The following SGTB variants were observed in gnomAD, a reference collection of about 807,000 sequenced individuals.
SGTB encodes the protein small glutamine rich tetratricopeptide repeat co-chaperone beta, also known as small glutamine-rich tetratricopeptide repeat-containing protein beta.
Under a neutral mutation model 43.9 loss-of-function variants are expected in SGTB, and 19 were observed. The ratio of observed to expected loss-of-function variants is 0.43; its 90% CI spans 0.30 to 0.63. The LOEUF is 0.63. Ranked by LOEUF, SGTB falls within the 30% of genes least tolerant of loss-of-function variation. The pLI is 0.12. For synonymous variants in SGTB, 116 were observed against 117.3 expected, an observed-to-expected ratio of 0.99 and a Z score of 0.07; for missense variants, 304 against 358.9, an observed-to-expected ratio of 0.85 and a Z score of 1.24.
chr5:65,715,320 T>C (rs934954476), intron 2 of SGTB, among the ~76,000 whole-genome samples: 1 of 152,198 alleles, frequency 6.6e-6, no homozygotes, highest in African/African-American at 2.4e-5. Flanking sequence ...CGAACAAAAA[T>C]AGTCTGGTAC....
chr5:65,722,291 C>G, upstream of SGTB: 2 of 1,141,992 alleles, frequency 1.8e-6, no homozygotes, highest in Non-Finnish European at 2.4e-6. Flanking sequence ...TCGAGACTCC[C>G]GGGCGCCCAG....
chr5:65,705,950 T>C lies in SGTB; in HGVS notation c.275-1572A>G, dbSNP rs140074019. Reference sequence around the variant, plus strand: ...ACTCAGGAGGCTGAAGTGGGAGGATTGCTTGAGCCCAAGAGGTTGAGGCTG... The same window carrying C: ...ACTCAGGAGGCTGAAGTGGGAGGATCGCTTGAGCCCAAGAGGTTGAGGCTG... On this transcript the variant is annotated intron_variant, in intron 4 of 10. Coordinates refer to ENST00000381007, the MANE Select transcript of SGTB (RefSeq NM_019072.3). Among the ~76,000 whole-genome samples the C allele has an allele frequency of 2.0e-3, 303 of 151,824 alleles. 3 individuals carry two copies. The highest frequency in any genetic ancestry group is 7.2e-3 in the African/African-American group (299 of 41,408).
chr5:65,685,579 C>T, intron 5 of SGTB, 107 bp from the exon 6 acceptor site: 2 of 781,700 alleles, frequency 2.6e-6, no homozygotes, highest in Non-Finnish European at 4.1e-6. Context: ...TTGTAGATCA[C>T]TCCCACTAAA....
intron 4 of SGTB, among the ~76,000 whole-genome samples, chr5:65,707,974 A>C (rs1436036667): frequency 6.6e-6 from 1 of 152,200 alleles, no homozygotes; most frequent in Non-Finnish European, 1.5e-5. Flanking sequence ...TAATGGAAAA[A>C]TGGAACACAA....
At chr5:65,703,922 C>T (rs983449110) in intron 5 of SGTB, among the ~76,000 whole-genome samples, 3 of 148,842 alleles carry the variant, frequency 2.0e-5, no homozygotes, top group Admixed American at 6.7e-5. Flanking sequence ...CCTGTAGTCC[C>T]GGCTACTTGG....
intron 5 of SGTB, among the ~76,000 whole-genome samples, chr5:65,689,615 C>T (rs1018464859): frequency 2.1e-4 from 32 of 152,256 alleles, no homozygotes; most frequent in African/African-American, 7.7e-4. Flanking sequence ...AATATTTCTA[C>T]TTGATTCATT....
intron 8 of SGTB, among the ~76,000 whole-genome samples, chr5:65,676,628 G>A (rs780738614): frequency 1.3e-5 from 2 of 151,946 alleles, no homozygotes; most frequent in African/African-American, 4.8e-5. Context: ...CAGAATATAC[G>A]TTCTTCTCAT....
At position 65,686,648 on chromosome 5, in the gene SGTB, C is replaced by T. The variant is rs371422692; in HGVS notation, c.375-1176G>A. Among the ~76,000 whole-genome samples, 6 of 152,080 alleles carry T rather than the reference C, an allele frequency of 3.9e-5. 1 individual carries two copies. Among genetic ancestry groups the T allele is most frequent in the Admixed American group, 3.9e-4 (6 of 15,280 alleles). On this transcript the variant is annotated intron_variant, in intron 5 of 10. Transcript: ENST00000381007. Reference sequence around the variant, plus strand: ...AGCTGGGATTACAGGCATGAGCCACCGCACCTGGCCCCATATATGTTGTTT... The same window carrying T: ...AGCTGGGATTACAGGCATGAGCCACTGCACCTGGCCCCATATATGTTGTTT...
intron 1 of SGTB, among the ~76,000 whole-genome samples, chr5:65,721,657 G>A (rs1170796974): frequency 2.0e-5 from 3 of 152,362 alleles, no homozygotes; most frequent in Middle Eastern, 3.4e-3. Flanking sequence ...GGCGATGTCA[G>A]CCTCTAGGCC....
chr5:65,672,361 T>C (rs1377902504), intron 8 of SGTB, 80 bp from the exon 9 acceptor site: 2 of 1,566,264 alleles, frequency 1.3e-6, no homozygotes, highest in Middle Eastern at 1.7e-4. Context: ...TTTAGAAGAA[T>C]GAAAGCTAAA....
At chr5:65,679,216 T>G (rs1757343636) in intron 8 of SGTB, among the ~76,000 whole-genome samples, 1 of 152,178 alleles carries the variant, frequency 6.6e-6, no homozygotes, top group South Asian at 2.1e-4. Flanking sequence ...AAGACATATA[T>G]GTGGCCAACA....
In SGTB at chr5:65,669,013, T is replaced by C. The variant is rs888705302; in HGVS notation, c.*1233A>G. 1.3e-5 allele frequency: 2 copies of C among 152,146 alleles called. No individual in the cohort carries two copies. The highest frequency in any genetic ancestry group is 2.4e-5 in the African/African-American group (1 of 41,420). The allele number at this position is 152,146 out of a possible 1,614,324, so 9.4% of individuals were successfully genotyped here. ...TTTCATTATTAATAAACAAAAAATA[T>C]ACTCTAGTTGGAATTAAACTCTCAT... On this transcript the variant is annotated 3_prime_UTR_variant, in exon 11 of 11. Transcript: ENST00000381007.
chr5:65,695,002 A>C (rs1303519345), intron 5 of SGTB, among the ~76,000 whole-genome samples: 1 of 149,002 alleles, frequency 6.7e-6, no homozygotes, highest in African/African-American at 2.5e-5. Flanking sequence ...TGAGGAGCTT[A>C]AATTGGATCC....
intron 6 of SGTB, among the ~76,000 whole-genome samples, chr5:65,682,825 G>C (rs1392834791): frequency 6.6e-6 from 1 of 152,146 alleles, no homozygotes; most frequent in African/African-American, 2.4e-5. Context: ...AATATATATA[G>C]TTGATTCTTA....
Position 65,720,735 on chromosome 5 carries a change from T to C in SGTB, c.73A>G (p.Thr25Ala). The part of the protein sequence containing the change: ...LREQSQMDTY[T>A]SDEQESLEVA... ...TCCAAACTTTCTTGTTCATCCGAGG[T>C]GTAAGTGTCCATCTGACTTTGTTCC... Residue 25 changes from threonine (T) to alanine (A), a missense_variant, in exon 2 of 11, where the codon ACC (threonine) becomes GCC (alanine). Physicochemically the swap from Thr to Ala is moderately conservative, Grantham distance 58. Transcript: ENST00000381007. 1 of 1,613,970 alleles carries C rather than the reference T, an allele frequency of 6.2e-7. No homozygotes were observed. The highest frequency in any genetic ancestry group is 8.5e-7 in the Non-Finnish European group (1 of 1,179,974).
intron 5 of SGTB, among the ~76,000 whole-genome samples, chr5:65,691,244 C>T (rs544691552): frequency 1.3e-5 from 2 of 152,190 alleles, no homozygotes; most frequent in East Asian, 3.9e-4. Flanking sequence ...AGCAATAAGA[C>T]CTTAGTAGCA....
At chr5:65,688,959 G>A (rs1195348942) in intron 5 of SGTB, among the ~76,000 whole-genome samples, 4 of 152,042 alleles carry the variant, frequency 2.6e-5, no homozygotes, top group Admixed American at 1.3e-4. Flanking sequence ...ACAGGCGCCC[G>A]CCACCACGCC....
chr5:65,667,560 T>C lies in SGTB; in HGVS notation c.*2686A>G, dbSNP rs1561781982. On this transcript the variant is annotated 3_prime_UTR_variant, in exon 11 of 11. Transcript: ENST00000381007. ...GCTTAGATGGAATATGAATTTAACT[T>C]CTGAGGGCCGAAGACTTAAATTGTG... 1 of 152,200 alleles carries C rather than the reference T, an allele frequency of 6.6e-6. No homozygotes were observed. The highest frequency in any genetic ancestry group is 1.5e-5 in the Non-Finnish European group (1 of 68,030). The allele number at this position is 152,200 out of a possible 1,614,324, so 9.4% of individuals were successfully genotyped here. A position where few individuals can be genotyped will look rare whatever the true frequency, so the allele number is the denominator to read the frequency against.
Position 65,667,863 on chromosome 5 carries a change from G to C in SGTB, c.*2383C>G, listed in dbSNP as rs1383734548. On this transcript the variant is annotated 3_prime_UTR_variant, in exon 11 of 11. Coordinates refer to ENST00000381007, the MANE Select transcript of SGTB (RefSeq NM_019072.3). ...AGGTGATTCTTACAATGAAGTTATA[G>C]AACTACTGTTCTAATGTCACAAAGG... The C allele has an allele frequency of 6.6e-6, 1 of 151,984 alleles. No individual in the cohort carries two copies. Among genetic ancestry groups the C allele is most frequent in the East Asian group, 1.9e-4 (1 of 5,192 alleles). 9.4% of individuals were successfully genotyped at this position (151,984 alleles called of 1,614,324 possible).
Sources: gnomAD v4.1 joint callset for allele counts (sites outside exome capture counted in the v4.1 genomes callset) on GRCh38, gnomAD v4.1.1 for gene constraint, MANE v1.5 for transcripts, NCBI Gene and HGNC (gene_info 2026-07-23, HGNC 2026-07-21) for gene names.